LTBP1: variants seen among roughly 807,000 people sequenced by gnomAD.
LTBP1 encodes latent transforming growth factor beta binding protein 1, also known as latent-transforming growth factor beta-binding protein 1.
LTBP1 carries 129 observed loss-of-function variants against 207.6 expected under a neutral mutation model. The observed-to-expected ratio is 0.62, with a 90% CI of 0.54 to 0.72. LTBP1 has a LOEUF of 0.72. Ranked by LOEUF, LTBP1 falls within the 30% of genes least tolerant of loss-of-function variation. LTBP1 has a pLI of 0.00. For missense variants in LTBP1, 2,281 were observed against 2,217.2 expected (o/e 1.03, Z -0.58); for synonymous variants, 963 against 833.7 (o/e 1.16, Z -2.67).
chr2:32,978,520 G>C lies in LTBP1; in HGVS notation c.565+29575G>C, dbSNP rs138988985. 2.7e-3 allele frequency among the ~76,000 whole-genome samples: 407 copies of C among 152,070 alleles called. 3 individuals are homozygous for C. Among genetic ancestry groups the C allele is most frequent in the Admixed American group, 3.4e-3 (52 of 15,270 alleles). ...TGTATCACATTGATTTGCATATGTT[G>C]AACCATCCTTGCAACCCCGGGATAA... On this transcript the variant is annotated intron_variant, in intron 2 of 33. Coordinates refer to ENST00000404816, the MANE Select transcript of LTBP1 (RefSeq NM_206943.4).
intron 7 of LTBP1, among the ~76,000 whole-genome samples, chr2:33,216,208 A>G (rs17641906): frequency 0.4 from 60,863 of 152,082 alleles, 13,515 homozygotes; most frequent in Non-Finnish European, 0.5. Flanking sequence ...TAGACTGTAT[A>G]GACAGTGCTG....
At chr2:33,299,198 C>T (rs576493253) in intron 20 of LTBP1, among the ~76,000 whole-genome samples, 11 of 150,494 alleles carry the variant, frequency 7.3e-5, no homozygotes, top group African/African-American at 1.7e-4. Context: ...GCCGAGATAG[C>T]GCCACTGCAC....
chr2:33,082,951 C>T (rs2149898274), intron 3 of LTBP1, among the ~76,000 whole-genome samples: 1 of 152,160 alleles, frequency 6.6e-6, no homozygotes, highest in Non-Finnish European at 1.5e-5. Context: ...GAAAACCTCC[C>T]AGTTCTCCAG....
chr2:33,309,602 C>T, intron 23 of LTBP1, 46 bp downstream of exon 23: 1 of 1,584,460 alleles, frequency 6.3e-7, no homozygotes, highest in African/African-American at 1.4e-5. Flanking sequence ...CGTAATTCTT[C>T]AATTCTGCCA....
At chr2:32,979,283 C>T (rs1327024235) in intron 2 of LTBP1, among the ~76,000 whole-genome samples, 1 of 151,580 alleles carries the variant, frequency 6.6e-6, no homozygotes, top group Admixed American at 6.6e-5. Context: ...TATGATGCAG[C>T]ATTAGGTTGT....
chr2:33,226,192 AT>A (rs1179062844), intron 9 of LTBP1, among the ~76,000 whole-genome samples: 1 of 152,044 alleles, frequency 6.6e-6, no homozygotes, highest in African/African-American at 2.4e-5. Context: ...TATGGAATGG[AT>A]TTTTTTCTTT....
At chr2:33,088,001 G>C (rs746531736) in intron 3 of LTBP1, among the ~76,000 whole-genome samples, 3 of 152,122 alleles carry the variant, frequency 2.0e-5, no homozygotes, top group Non-Finnish European at 4.4e-5. Context: ...TTAAAAATTT[G>C]GTGCTGAAAT....
chr2:33,184,066 G>T (rs941290737), intron 5 of LTBP1, among the ~76,000 whole-genome samples: 14 of 151,786 alleles, frequency 9.2e-5, no homozygotes, highest in African/African-American at 3.1e-4. Context: ...CCAGCCTTAC[G>T]TTACTGCATG....
intron 25 of LTBP1, among the ~76,000 whole-genome samples, chr2:33,344,379 GC>G (rs2149709501): frequency 6.6e-6 from 1 of 152,248 alleles, no homozygotes; most frequent in Admixed American, 6.5e-5. Context: ...TTGTGATGTG[GC>G]CCCTACTTTT....
intron 2 of LTBP1, among the ~76,000 whole-genome samples, chr2:32,989,489 C>T (rs1044888770): frequency 6.6e-5 from 10 of 152,240 alleles, no homozygotes; most frequent in Admixed American, 2.0e-4. Context: ...GGGTCTGTTT[C>T]AAAGTGTTTT....
chr2:33,194,779 A>G (rs771068082), intron 7 of LTBP1, among the ~76,000 whole-genome samples: 2 of 152,376 alleles, frequency 1.3e-5, no homozygotes, highest in East Asian at 3.9e-4. Flanking sequence ...TTATACCTGA[A>G]GAAGATGCCA....
At chr2:33,239,902 T>TAAATAAA (rs2092237109) in intron 9 of LTBP1, among the ~76,000 whole-genome samples, 7 of 144,252 alleles carry the variant, frequency 4.9e-5, no homozygotes, top group Non-Finnish European at 9.1e-5. Flanking sequence ...AGACTCCATC[T>TAAATAAA]TAAATAAATA....
At chr2:32,961,571 C>A (rs919660672) in intron 2 of LTBP1, among the ~76,000 whole-genome samples, 3 of 152,054 alleles carry the variant, frequency 2.0e-5, no homozygotes, top group African/African-American at 7.2e-5. Context: ...ACCTCAACAT[C>A]TAATTTACAC....
At chr2:33,319,923 T>C (rs951014560) in intron 24 of LTBP1, among the ~76,000 whole-genome samples, 1 of 152,216 alleles carries the variant, frequency 6.6e-6, no homozygotes, top group Non-Finnish European at 1.5e-5. Context: ...TTAGAAAGCA[T>C]CCTCATTCAT....
At chr2:33,240,751 CG>C (rs1202094831) in intron 9 of LTBP1, among the ~76,000 whole-genome samples, 1 of 149,866 alleles carries the variant, frequency 6.7e-6, no homozygotes, top group Non-Finnish European at 1.5e-5. Flanking sequence ...CTCAGGTTCA[CG>C]CCATTCTCCT....
chr2:33,205,168 A>G (rs1429414035), intron 7 of LTBP1, among the ~76,000 whole-genome samples: 1 of 152,242 alleles, frequency 6.6e-6, no homozygotes, highest in Non-Finnish European at 1.5e-5. Context: ...AATGCTACTG[A>G]CTTAGAAGAC....
At chr2:33,092,850 C>T (rs1045752805) in intron 3 of LTBP1, among the ~76,000 whole-genome samples, 5 of 152,170 alleles carry the variant, frequency 3.3e-5, no homozygotes, top group African/African-American at 1.2e-4. Flanking sequence ...CCTCTCTTCC[C>T]CACCCTCCCA....
intron 22 of LTBP1, among the ~76,000 whole-genome samples, chr2:33,306,961 G>A (rs567196541): frequency 1.2e-3 from 177 of 152,176 alleles, no homozygotes; most frequent in African/African-American, 4.0e-3. Flanking sequence ...GGTGGTGGGC[G>A]CCTGTAGTCC....
chr2:33,043,304 A>G (rs1354717894), intron 3 of LTBP1, among the ~76,000 whole-genome samples: 1 of 152,008 alleles, frequency 6.6e-6, no homozygotes, highest in Non-Finnish European at 1.5e-5. Context: ...GTCTATAATA[A>G]TTGGTCAAGA....
Sources: gnomAD v4.1 joint callset for allele counts (sites outside exome capture counted in the v4.1 genomes callset) on GRCh38, gnomAD v4.1.1 for gene constraint, MANE v1.5 for transcripts, NCBI Gene and HGNC (gene_info 2026-07-23, HGNC 2026-07-21) for gene names.